SKAP1: variants seen among roughly 807,000 people sequenced by gnomAD.
The protein encoded by SKAP1 is src kinase-associated phosphoprotein 1.
Under a neutral mutation model 58.5 loss-of-function variants are expected in SKAP1, and 44 were observed. The ratio of observed to expected loss-of-function variants is 0.75; its 90% CI spans 0.59 to 0.97. The LOEUF (loss-of-function observed/expected upper bound fraction) is 0.97. Ranked by LOEUF, SKAP1 falls within the 50% of genes least tolerant of loss-of-function variation. The pLI, the probability that SKAP1 is intolerant of heterozygous loss-of-function variation, is 0.00. For missense variants in SKAP1, 390 were observed against 435.2 expected (o/e 0.90, Z 0.92); for synonymous variants, 127 against 149.7 (o/e 0.85, Z 1.11).
intron 4 of SKAP1, among the ~76,000 whole-genome samples, chr17:48,319,408 G>A (rs868305570): frequency 6.6e-6 from 1 of 152,084 alleles, no homozygotes; most frequent in African/African-American, 2.4e-5. Context: ...AGAAAGAATT[G>A]GAGAAGACTT....
intron 4 of SKAP1, among the ~76,000 whole-genome samples, chr17:48,248,225 C>T (rs1323720179): frequency 6.6e-6 from 1 of 152,178 alleles, no homozygotes; most frequent in Non-Finnish European, 1.5e-5. Context: ...TTTGCCAATT[C>T]TTCACCAAGT....
chr17:48,407,325 G>A (rs987941895), intron 1 of SKAP1, among the ~76,000 whole-genome samples: 5 of 152,116 alleles, frequency 3.3e-5, no homozygotes, highest in Admixed American at 3.3e-4. Context: ...AAAGGAGGAA[G>A]GAAACAATAA....
intron 4 of SKAP1, among the ~76,000 whole-genome samples, chr17:48,328,071 T>TCTG: frequency 6.6e-6 from 1 of 152,300 alleles, no homozygotes; most frequent in Non-Finnish European, 1.5e-5. Context: ...GAACCCATAC[T>TCTG]CTGCAACTGT....
intron 4 of SKAP1, among the ~76,000 whole-genome samples, chr17:48,280,969 G>A (rs1254895685): frequency 2.0e-5 from 3 of 152,102 alleles, no homozygotes; most frequent in Admixed American, 6.6e-5. Flanking sequence ...GGCAGAACCT[G>A]TACTCAGACT....
At chr17:48,435,828 C>A in the SKAP1 span, among the ~76,000 whole-genome samples, 10 of 152,142 alleles carry the variant, frequency 6.6e-5, no homozygotes, top group Admixed American at 3.3e-4. Flanking sequence ...CACATGTGCT[C>A]ATGTGCTTTG....
chr17:48,320,954 C>T (rs1462928789), intron 4 of SKAP1, among the ~76,000 whole-genome samples: 1 of 152,122 alleles, frequency 6.6e-6, no homozygotes. Context: ...TCTATGCTTC[C>T]AGGCCTAGGC....
At chr17:48,279,102 G>A (rs1005875641) in intron 4 of SKAP1, among the ~76,000 whole-genome samples, 2 of 152,126 alleles carry the variant, frequency 1.3e-5, no homozygotes, top group Non-Finnish European at 2.9e-5. Flanking sequence ...TATCCTGGAG[G>A]ATGAGGCCAC....
At chr17:48,420,912 A>G (rs1464974257) in intron 1 of SKAP1, among the ~76,000 whole-genome samples, 3 of 152,124 alleles carry the variant, frequency 2.0e-5, no homozygotes, top group Non-Finnish European at 2.9e-5. Flanking sequence ...GTAACAACCA[A>G]AACGTCTCCA....
chr17:48,400,896 G>T (rs1307407737), intron 1 of SKAP1, among the ~76,000 whole-genome samples: 2 of 152,108 alleles, frequency 1.3e-5, no homozygotes, highest in Non-Finnish European at 2.9e-5. Context: ...CTGATCTAAA[G>T]CTTTTATGTA....
chr17:48,331,075 G>C (rs1276566791), intron 4 of SKAP1, among the ~76,000 whole-genome samples: 1 of 152,134 alleles, frequency 6.6e-6, no homozygotes, highest in East Asian at 1.9e-4. Context: ...CTAGAACAAA[G>C]AGCAGTGGGT....
chr17:48,212,230 T>A (rs2143680050), intron 4 of SKAP1, among the ~76,000 whole-genome samples: 1 of 152,208 alleles, frequency 6.6e-6, no homozygotes, highest in African/African-American at 2.4e-5. Flanking sequence ...TGTTTTCCAC[T>A]AATGAAGAGT....
In SKAP1 at chr17:48,203,775, C is replaced by T. The variant is rs2064759332; in HGVS notation, c.281-14275G>A. The T allele has an allele frequency of 3.3e-5, 5 of 152,118 alleles. 1 individual carries two copies. The South Asian group carries it at 1.0e-3, about 32-fold the overall frequency. 9.4% of individuals were successfully genotyped at this position (152,118 alleles called of 1,614,324 possible). On this transcript the variant is annotated intron_variant, in intron 4 of 12. Coordinates refer to ENST00000336915, the MANE Select transcript of SKAP1 (RefSeq NM_003726.4). ...CATTTGTTTTCAAGGAAAAAAAGAA[C>T]TAAAGTGTCTTTTTGAAAAGCCACT...
intron 4 of SKAP1, among the ~76,000 whole-genome samples, chr17:48,269,589 T>C (rs1174305152): frequency 5.9e-5 from 9 of 151,982 alleles, no homozygotes; most frequent in Admixed American, 3.9e-4. Flanking sequence ...ATGCCTTCAT[T>C]TAGAGATTCA....
intron 4 of SKAP1, among the ~76,000 whole-genome samples, chr17:48,299,816 G>A (rs964416673): frequency 6.6e-6 from 1 of 152,084 alleles, no homozygotes; most frequent in African/African-American, 2.4e-5. Context: ...TAGAGAAGAG[G>A]GAGTTTGAGC....
chr17:48,133,995 G>A (rs2063669642), intron 12 of SKAP1, among the ~76,000 whole-genome samples, 179 bp from the exon 13 acceptor site: 1 of 151,964 alleles, frequency 6.6e-6, no homozygotes, highest in Admixed American at 6.6e-5. Context: ...TAAACAAATA[G>A]GTATATATAG....
chr17:48,346,490 G>T (rs938171474), intron 3 of SKAP1, among the ~76,000 whole-genome samples: 1 of 151,972 alleles, frequency 6.6e-6, no homozygotes, highest in African/African-American at 2.4e-5. Context: ...AGGGTGTGGT[G>T]GTGGGCGCCT....
Position 48,400,967 on chromosome 17 carries a change from AACTT to A in SKAP1, c.47-4186_47-4183del, listed in dbSNP as rs2067492337. 4.0e-5 allele frequency among the ~76,000 whole-genome samples: 6 copies of A among 150,148 alleles called. No homozygotes were observed. In the South Asian group the frequency reaches 1.3e-3, roughly 32 times the overall value. On this transcript the variant is annotated intron_variant, in intron 1 of 12. Transcript: ENST00000336915. ...AAATTGAAAAGCTAATCCTAAAATT[AACTT>A]GGAAATGTAAGGAATCCAGATAGCC... is the stretch of plus-strand genomic sequence containing the variant.
intron 4 of SKAP1, among the ~76,000 whole-genome samples, chr17:48,311,844 G>T (rs1352389001): frequency 6.6e-6 from 1 of 152,074 alleles, no homozygotes; most frequent in Non-Finnish European, 1.5e-5. Context: ...CATATATTCT[G>T]ACACAAAAAG....
intron 4 of SKAP1, among the ~76,000 whole-genome samples, chr17:48,287,373 G>T (rs1598514178): frequency 6.6e-6 from 1 of 151,564 alleles, no homozygotes; most frequent in African/African-American, 2.4e-5. Flanking sequence ...TTTTTTTTTA[G>T]TAGAACCAAA....
Sources: allele counts gnomAD v4.1 joint callset (sites outside exome capture counted in the v4.1 genomes callset), GRCh38; gene constraint gnomAD v4.1.1; transcripts MANE v1.5; gene names NCBI Gene and HGNC (gene_info 2026-07-23, HGNC 2026-07-21).